Variants in DAAM1 observed in about 807,000 individuals in gnomAD.
DAAM1 encodes dishevelled associated activator of morphogenesis 1, also known as disheveled-associated activator of morphogenesis 1.
DAAM1 carries 52 observed loss-of-function variants against 130.0 expected under a neutral mutation model. The observed-to-expected ratio is 0.40, with a 90% CI of 0.32 to 0.50. The LOEUF (loss-of-function observed/expected upper bound fraction) is 0.50, where lower values mean the gene tolerates loss of function less well. Ranked by LOEUF, DAAM1 falls within the 20% of genes least tolerant of loss-of-function variation. DAAM1 has a pLI of 0.61. For missense variants in DAAM1, 1,134 were observed against 1,303.8 expected (o/e 0.87, Z 2.01); for synonymous variants, 452 against 444.5 (o/e 1.02, Z -0.21).
chr14:59,283,918 G>A (rs1039730979), intron 2 of DAAM1, among the ~76,000 whole-genome samples: 5 of 152,078 alleles, frequency 3.3e-5, no homozygotes, highest in Non-Finnish European at 5.9e-5. Flanking sequence ...AAAGTTTTTT[G>A]AACTGGGAGC....
intron 2 of DAAM1, among the ~76,000 whole-genome samples, chr14:59,270,877 T>G (rs1882681585): frequency 6.6e-6 from 1 of 152,182 alleles, no homozygotes; most frequent in African/African-American, 2.4e-5. Flanking sequence ...GCTTTTCCTG[T>G]GTGAGATTTT....
At chr14:59,233,302 TG>T (rs1889173295) in intron 1 of DAAM1, among the ~76,000 whole-genome samples, 1 of 152,188 alleles carries the variant, frequency 6.6e-6, no homozygotes, top group African/African-American at 2.4e-5. Flanking sequence ...CAGCATCTAT[TG>T]TTTCCTGATT....
At chr14:59,324,661 G>T (rs1053510805) in intron 8 of DAAM1, among the ~76,000 whole-genome samples, 14 of 152,142 alleles carry the variant, frequency 9.2e-5, no homozygotes, top group Non-Finnish European at 1.9e-4. Flanking sequence ...CTTAATGTGG[G>T]TTTTAGCATT....
chr14:59,363,783 G>A lies in DAAM1; in HGVS notation c.2826+1G>A. 1 of 1,613,562 alleles carries A rather than the reference G, an allele frequency of 6.2e-7. No individual in the cohort carries two copies. Among genetic ancestry groups the A allele is most frequent in the Non-Finnish European group, 8.5e-7 (1 of 1,179,898 alleles). ...CCTTCTAGCAGAAGCTAAAGACCTG[G>A]TAAGTTTCCCCCTTGTGCACTGAGT... is the stretch of plus-strand genomic sequence containing the variant. On this transcript the variant is annotated splice_donor_variant, in intron 23 of 24. Transcript: ENST00000360909. LOFTEE classifies it high-confidence loss of function.
At chr14:59,208,525 A>AG (rs1888331061) in intron 1 of DAAM1, among the ~76,000 whole-genome samples, 1 of 152,142 alleles carries the variant, frequency 6.6e-6, no homozygotes, top group Non-Finnish European at 1.5e-5. Flanking sequence ...CACCATCTCT[A>AG]GGCAGGTTTT....
intron 2 of DAAM1, among the ~76,000 whole-genome samples, chr14:59,277,306 T>C (rs1261766778): frequency 6.6e-6 from 1 of 152,102 alleles, no homozygotes; most frequent in Non-Finnish European, 1.5e-5. Context: ...TTCTGATTTA[T>C]GTAGGTTTCT....
intron 3 of DAAM1, among the ~76,000 whole-genome samples, chr14:59,301,227 A>G (rs1375850601): frequency 1.3e-5 from 2 of 152,164 alleles, no homozygotes; most frequent in Non-Finnish European, 2.9e-5. Context: ...TTACTGTAAT[A>G]TAAAGTGCTC....
chr14:59,348,981 C>G (rs1451056690), intron 17 of DAAM1, among the ~76,000 whole-genome samples: 2 of 152,208 alleles, frequency 1.3e-5, no homozygotes, highest in Non-Finnish European at 2.9e-5. Context: ...TCTCAAGTCT[C>G]TTGGGGTTCT....
At chr14:59,233,145 T>C (rs1889167896) in intron 1 of DAAM1, among the ~76,000 whole-genome samples, 1 of 152,212 alleles carries the variant, frequency 6.6e-6, no homozygotes, top group South Asian at 2.1e-4. Flanking sequence ...TTCCTTTGGG[T>C]ATATACCCAT....
intron 1 of DAAM1, among the ~76,000 whole-genome samples, chr14:59,213,615 T>G (rs2139415240): frequency 6.6e-6 from 1 of 152,296 alleles, no homozygotes; most frequent in East Asian, 1.9e-4. Context: ...TTGTTTACAT[T>G]GTAATACCAG....
chr14:59,290,662 A>G (rs1222495609), intron 2 of DAAM1, among the ~76,000 whole-genome samples: 1 of 152,062 alleles, frequency 6.6e-6, no homozygotes, highest in Non-Finnish European at 1.5e-5. Context: ...TTCACTCCCT[A>G]CCTCTCCAGC....
At chr14:59,258,914 G>A (rs1181920340) in intron 1 of DAAM1, among the ~76,000 whole-genome samples, 2 of 152,140 alleles carry the variant, frequency 1.3e-5, no homozygotes, top group Non-Finnish European at 2.9e-5. Flanking sequence ...TTTCAATTAG[G>A]TTCTTAAGTA....
intron 22 of DAAM1, 151 bp from the exon 23 acceptor site, chr14:59,363,500 G>A: frequency 9.1e-7 from 1 of 1,098,074 alleles, no homozygotes. Context: ...AAGGGCAGGG[G>A]CACTAGAGTA....
intron 16 of DAAM1, 110 bp from the exon 17 acceptor site, chr14:59,347,429 G>T (rs766352864): frequency 3.1e-5 from 32 of 1,023,018 alleles, no homozygotes; most frequent in Non-Finnish European, 4.7e-5. Flanking sequence ...TTCACTGAGA[G>T]ATTTTGAGAA....
chr14:59,235,823 G>T (rs925790253), intron 1 of DAAM1, among the ~76,000 whole-genome samples: 23 of 152,172 alleles, frequency 1.5e-4, no homozygotes, highest in African/African-American at 5.6e-4. Flanking sequence ...GTGTCCCAAA[G>T]ATTCTGGTAT....
chr14:59,210,254 A>G (rs1439487463), intron 1 of DAAM1, among the ~76,000 whole-genome samples: 1 of 152,272 alleles, frequency 6.6e-6, no homozygotes, highest in Non-Finnish European at 1.5e-5. Context: ...ACCATTGCCT[A>G]CAATGAGTAT....
chr14:59,285,529 T>G (rs1000305649), intron 2 of DAAM1, among the ~76,000 whole-genome samples: 2 of 152,134 alleles, frequency 1.3e-5, no homozygotes, highest in African/African-American at 2.4e-5. Context: ...TCTGCTGCCT[T>G]CAAGAGACCC....
chr14:59,358,940 TCTCCACCCCACCCCACTCCA>T (rs1196812647), intron 20 of DAAM1, among the ~76,000 whole-genome samples: 1 of 151,556 alleles, frequency 6.6e-6, no homozygotes, highest in African/African-American at 2.4e-5. Context: ...CATCCCTCAC[TCTCCACCCCACCCCACTCCA>T]CTCCACCCAA....
At chr14:59,352,716 G>A in intron 18 of DAAM1, 84 bp downstream of exon 18, 3 of 1,231,970 alleles carry the variant, frequency 2.4e-6, no homozygotes, top group South Asian at 1.5e-5. Context: ...GAATTGTTTG[G>A]GCCAATTAAC....
Sources: allele counts gnomAD v4.1 joint callset (sites outside exome capture counted in the v4.1 genomes callset), GRCh38; gene constraint gnomAD v4.1.1; transcripts MANE v1.5; gene names NCBI Gene and HGNC (gene_info 2026-07-23, HGNC 2026-07-21).